Variants in GPHN observed in about 807,000 individuals in gnomAD.
GPHN encodes gephyrin.
In GPHN, 17 loss-of-function variants were observed where a neutral mutation model predicts 95.5. The ratio of observed to expected loss-of-function variants is 0.18; its 90% confidence interval spans 0.12 to 0.27. The LOEUF (loss-of-function observed/expected upper bound fraction) is 0.27. GPHN is among the 10% of genes least tolerant of loss of function. The pLI, the probability that GPHN is intolerant of heterozygous loss-of-function variation, is 1.00. For synonymous variants in GPHN, 320 were observed against 322.5 expected (o/e 0.99, Z 0.08); for missense variants, 660 against 978.1 (o/e 0.67, Z 4.34).
the GPHN span, chr14:67,311,903 A>G: frequency 6.6e-6 from 1 of 152,608 alleles, no homozygotes; most frequent in Non-Finnish European, 1.5e-5. Context: ...ATCCTTTAAA[A>G]GAAACGCCAA....
chr14:66,929,344 C>T lies in GPHN; in HGVS notation c.828+5052C>T, dbSNP rs896969937. ...ACAGGCCTGAGCTACCACGCCCAGCCTCAATGTTTCTTTATTAATTTTCTG... is the reference window on the plus strand; with the variant it reads ...ACAGGCCTGAGCTACCACGCCCAGCTTCAATGTTTCTTTATTAATTTTCTG... On this transcript the variant is annotated intron_variant, in intron 8 of 22. Coordinates refer to ENST00000478722, the MANE Select transcript of GPHN (RefSeq NM_020806.5). 8.5e-5 allele frequency among the ~76,000 whole-genome samples: 13 copies of T among 152,192 alleles called. No individual in the cohort carries two copies. In the East Asian group the frequency reaches 2.1e-3, roughly 25 times the overall value.
intron 1 of GPHN, among the ~76,000 whole-genome samples, chr14:66,524,548 G>T (rs1445437649): frequency 6.6e-6 from 1 of 152,066 alleles, no homozygotes; most frequent in Non-Finnish European, 1.5e-5. Context: ...TGCAGAACAT[G>T]CAGGTTTGTT....
At chr14:67,534,227 A>C in the GPHN span, among the ~76,000 whole-genome samples, 1 of 152,168 alleles carries the variant, frequency 6.6e-6, no homozygotes, top group Non-Finnish European at 1.5e-5. Context: ...CATCGGTATT[A>C]GTGTTTCTGC....
chr14:67,280,841 T>TTCCTTCCTTCCTTCCC, the GPHN span, among the ~76,000 whole-genome samples: 1 of 129,940 alleles, frequency 7.7e-6, no homozygotes, highest in Non-Finnish European at 1.6e-5. Context: ...CCTTCCTTCC[T>TTCCTTCCTTCCTTCCC]TCCTTCCTTC....
chr14:66,813,832 G>A (rs1468792036), intron 3 of GPHN, among the ~76,000 whole-genome samples: 1 of 152,162 alleles, frequency 6.6e-6, no homozygotes, highest in East Asian at 1.9e-4. Flanking sequence ...CTGTCCTGGG[G>A]CCCTAGCCTG....
intron 18 of GPHN, among the ~76,000 whole-genome samples, chr14:67,147,169 C>T (rs990560013): frequency 1.3e-5 from 2 of 152,190 alleles, no homozygotes; most frequent in Non-Finnish European, 2.9e-5. Flanking sequence ...TTCCTGAAGC[C>T]ATCAGCTTTG....
chr14:67,729,863 A>G, the GPHN span: 3 of 454,522 alleles, frequency 6.6e-6, no homozygotes, highest in Non-Finnish European at 1.3e-5. Context: ...GAATCTTATC[A>G]TGAACTCAAT....
the GPHN span, among the ~76,000 whole-genome samples, chr14:67,216,290 CT>C: frequency 6.6e-6 from 1 of 151,964 alleles, no homozygotes; most frequent in Admixed American, 6.6e-5. Context: ...CTGTAGTCTT[CT>C]TTTTTTGTCA....
intron 2 of GPHN, among the ~76,000 whole-genome samples, chr14:66,724,655 G>A (rs1223339955): frequency 6.6e-6 from 1 of 152,124 alleles, no homozygotes; most frequent in Non-Finnish European, 1.5e-5. Context: ...TTACATGAGA[G>A]TCTTAAAATC....
At chr14:67,462,158 T>C in the GPHN span, among the ~76,000 whole-genome samples, 8 of 152,296 alleles carry the variant, frequency 5.3e-5, no homozygotes, top group East Asian at 1.5e-3. Flanking sequence ...GCTCAGAGCA[T>C]GAGCAGCATT....
At chr14:67,390,518 G>A in the GPHN span, 1 of 700,108 alleles carries the variant, frequency 1.4e-6, no homozygotes, top group South Asian at 1.6e-5. Context: ...AGCTTGGACT[G>A]TGGAAGGAAA....
At chr14:67,251,742 C>A in the GPHN span, among the ~76,000 whole-genome samples, 1 of 152,160 alleles carries the variant, frequency 6.6e-6, no homozygotes, top group Non-Finnish European at 1.5e-5. Context: ...TTTTCTTAAG[C>A]ATAGAGAGTC....
chr14:67,561,825 G>C, the GPHN span: 14 of 685,198 alleles, frequency 2.0e-5, no homozygotes, highest in Non-Finnish European at 3.2e-5. Context: ...AGCCAAAATT[G>C]CTCCACTGCA....
chr14:67,314,197 G>A, the GPHN span, among the ~76,000 whole-genome samples: 1 of 144,946 alleles, frequency 6.9e-6, no homozygotes, highest in East Asian at 2.3e-4. Flanking sequence ...AGAAGAAAAG[G>A]AGGGCATGAA....
the GPHN span, among the ~76,000 whole-genome samples, chr14:67,361,344 T>C: frequency 4.9e-4 from 75 of 152,366 alleles, 1 homozygote; most frequent in South Asian, 0.015. Flanking sequence ...AGAACTTTGC[T>C]ACCTATTCTT....
intron 17 of GPHN, among the ~76,000 whole-genome samples, chr14:67,123,590 C>G (rs1411411961): frequency 6.6e-6 from 1 of 152,128 alleles, no homozygotes; most frequent in East Asian, 1.9e-4. Context: ...GCATGAGAAT[C>G]ATTTGAGCCT....
chr14:67,294,207 C>A, the GPHN span, among the ~76,000 whole-genome samples: 1 of 152,054 alleles, frequency 6.6e-6, no homozygotes, highest in South Asian at 2.1e-4. Flanking sequence ...CTTTCACGTC[C>A]TTAGAGTAAC....
chr14:67,600,901 C>T, the GPHN span, among the ~76,000 whole-genome samples: 1 of 152,180 alleles, frequency 6.6e-6, no homozygotes, highest in African/African-American at 2.4e-5. Context: ...TTTAATCATG[C>T]TTTTGCTTGG....
rs1566880976 is a variant in GPHN at position 66,731,520 on chromosome 14, C to T, written c.144-44944C>T. 2.0e-5 allele frequency among the ~76,000 whole-genome samples: 3 copies of T among 152,138 alleles called. No homozygotes were observed. In the South Asian group the frequency reaches 6.2e-4, roughly 31 times the overall value. ...GCAAAGAGACTAGTGGCATTTTGCC[C>T]CTGCCCTAGAAATCTGTGGAACTTT... On this transcript the variant is annotated intron_variant, in intron 2 of 22. Transcript: ENST00000478722.
Sources: allele counts gnomAD v4.1 joint callset (sites outside exome capture counted in the v4.1 genomes callset), GRCh38; gene constraint gnomAD v4.1.1; transcripts MANE v1.5; gene names NCBI Gene and HGNC (gene_info 2026-07-23, HGNC 2026-07-21).